DNM3: variants seen among roughly 807,000 people sequenced by gnomAD.
DNM3 encodes the protein dynamin-3.
In DNM3, 47 loss-of-function variants were observed where a neutral mutation model predicts 101.6. The ratio of observed to expected loss-of-function variants is 0.46; its 90% confidence interval spans 0.37 to 0.59. DNM3 has a LOEUF of 0.59. Ranked by LOEUF, DNM3 falls within the 20% of genes least tolerant of loss-of-function variation. DNM3 has a pLI of 0.00. For synonymous variants in DNM3, 385 were observed against 387.9 expected (o/e 0.99, Z 0.09); for missense variants, 849 against 1,085.7 (o/e 0.78, Z 3.06).
chr1:172,276,887 A>G (rs2063311383), intron 15 of DNM3, among the ~76,000 whole-genome samples: 1 of 152,078 alleles, frequency 6.6e-6, no homozygotes, highest in African/African-American at 2.4e-5. Context: ...TATTTGTGAC[A>G]ATAATGAATG....
At chr1:172,331,794 TA>T (rs2066197174) in intron 17 of DNM3, among the ~76,000 whole-genome samples, 2 of 152,194 alleles carry the variant, frequency 1.3e-5, no homozygotes, top group Non-Finnish European at 1.5e-5. Flanking sequence ...GTTACTATTT[TA>T]CTACTGTCAA....
chr1:172,198,774 C>A (rs2060046659), intron 14 of DNM3, among the ~76,000 whole-genome samples: 3 of 147,164 alleles, frequency 2.0e-5, no homozygotes, highest in African/African-American at 7.8e-5. Context: ...TTTAGCATTT[C>A]TAATTGTGTT....
intron 6 of DNM3, among the ~76,000 whole-genome samples, chr1:172,035,579 GA>G (rs1301257023): frequency 6.6e-6 from 1 of 152,168 alleles, no homozygotes; most frequent in African/African-American, 2.4e-5. Flanking sequence ...GCCAGGGGAA[GA>G]AGTGTTTTAG....
chr1:171,928,820 A>G lies in DNM3; in HGVS notation c.235+6999A>G, dbSNP rs149040251. 9.2e-5 allele frequency among the ~76,000 whole-genome samples: 14 copies of G among 152,254 alleles called. No homozygotes were observed. In the East Asian group the frequency reaches 2.7e-3, roughly 29 times the overall value. The stretch of plus-strand genomic sequence containing the variant: ...GAGATATGGGAATGGGCACCCATCT[A>G]ACAGTCTGGCTGCTTTTTCATAGAG... On this transcript the variant is annotated intron_variant, in intron 2 of 20. Transcript: ENST00000627582.
At chr1:171,869,892 T>G (rs2035113560) in intron 1 of DNM3, among the ~76,000 whole-genome samples, 1 of 152,246 alleles carries the variant, frequency 6.6e-6, no homozygotes, top group East Asian at 1.9e-4. Flanking sequence ...ATTTTTAGAT[T>G]AGGGAAGTTC....
At chr1:172,227,852 G>T (rs1477448267) in intron 14 of DNM3, among the ~76,000 whole-genome samples, 3 of 152,014 alleles carry the variant, frequency 2.0e-5, no homozygotes, top group Admixed American at 2.0e-4. Context: ...CCTCACATCT[G>T]GTCATAGTGG....
chr1:172,162,757 A>G (rs932550900), intron 14 of DNM3, among the ~76,000 whole-genome samples: 1 of 152,090 alleles, frequency 6.6e-6, no homozygotes, highest in Non-Finnish European at 1.5e-5. Context: ...CAGATTTCCC[A>G]GAATAATTTA....
chr1:172,248,965 T>C (rs10489292), intron 14 of DNM3, among the ~76,000 whole-genome samples: 25,140 of 152,170 alleles, frequency 0.17, 2,434 homozygotes, highest in East Asian at 0.24. Context: ...GTTGCTTTAA[T>C]AGAAGAAAAG....
intron 10 of DNM3, among the ~76,000 whole-genome samples, chr1:172,053,224 T>A (rs2050330849): frequency 6.6e-6 from 1 of 152,122 alleles, no homozygotes; most frequent in Admixed American, 6.5e-5. Flanking sequence ...TTCTAGATGA[T>A]TTGCACTATC....
chr1:172,325,980 G>A (rs1432676537), intron 17 of DNM3, among the ~76,000 whole-genome samples: 2 of 152,120 alleles, frequency 1.3e-5, no homozygotes, highest in South Asian at 4.1e-4. Context: ...GGGGTATATG[G>A]AACAATCCTG....
At chr1:171,880,445 T>C (rs2036167111) in intron 1 of DNM3, among the ~76,000 whole-genome samples, 1 of 152,210 alleles carries the variant, frequency 6.6e-6, no homozygotes, top group African/African-American at 2.4e-5. Context: ...CCACTGGTGA[T>C]TATGCTAGTG....
chr1:172,387,991 TG>T (rs2069293099), intron 19 of DNM3, among the ~76,000 whole-genome samples: 1 of 152,086 alleles, frequency 6.6e-6, no homozygotes, highest in Non-Finnish European at 1.5e-5. Context: ...CCCAGCACTT[TG>T]GGAGGCCGAG....
intron 13 of DNM3, among the ~76,000 whole-genome samples, chr1:172,095,939 A>G (rs1046455741): frequency 3.3e-5 from 5 of 152,234 alleles, no homozygotes; most frequent in African/African-American, 1.2e-4. Context: ...CCACTCATGT[A>G]TTCAAAACCT....
At chr1:172,115,386 C>T (rs1301120259) in intron 13 of DNM3, among the ~76,000 whole-genome samples, 1 of 152,190 alleles carries the variant, frequency 6.6e-6, no homozygotes, top group Non-Finnish European at 1.5e-5. Context: ...TCCTGCTTCT[C>T]CTCTTTCTCT....
intron 14 of DNM3, among the ~76,000 whole-genome samples, chr1:172,178,944 A>C (rs1035126794): frequency 1.8e-4 from 28 of 151,878 alleles, no homozygotes; most frequent in African/African-American, 6.8e-4. Flanking sequence ...ATAGAGCAAA[A>C]ATGGTGATCC....
rs896919204 is a variant in DNM3 at position 172,020,672 on chromosome 1, C to A, written c.590-11730C>A. Among the ~76,000 whole-genome samples the A allele has an allele frequency of 2.9e-5, 4 of 138,462 alleles. 1 individual carries two copies. In the South Asian group the frequency reaches 9.1e-4, roughly 32 times the overall value. 90.8% of individuals were successfully genotyped at this position (138,462 alleles called of 152,430 possible). A position where few individuals can be genotyped will look rare whatever the true frequency, so the allele number is the denominator to read the frequency against. On this transcript the variant is annotated intron_variant, in intron 4 of 20. Transcript: ENST00000627582. ...CCGGGAGGTGGAGCTTGCAGTGGGC[C>A]GAGATCACGCCACTGCACTCCAGCC...
intron 17 of DNM3, among the ~76,000 whole-genome samples, chr1:172,335,935 A>G (rs780069298): frequency 1.7e-4 from 26 of 152,280 alleles, no homozygotes; most frequent in Non-Finnish European, 3.4e-4. Flanking sequence ...TACCCCCTGA[A>G]TCCAAAATAA....
chr1:172,076,419 T>A (rs1039248494), intron 11 of DNM3, among the ~76,000 whole-genome samples: 15 of 152,358 alleles, frequency 9.8e-5, no homozygotes, highest in Non-Finnish European at 1.8e-4. Context: ...TGCTTCCAGC[T>A]TTTGCCCATT....
intron 1 of DNM3, among the ~76,000 whole-genome samples, chr1:171,875,032 G>T (rs560112479): frequency 3.3e-5 from 5 of 152,184 alleles, no homozygotes; most frequent in Non-Finnish European, 4.4e-5. Flanking sequence ...GTATTCCATG[G>T]TGTGTAGCTA....
Sources: gnomAD v4.1 joint callset for allele counts (sites outside exome capture counted in the v4.1 genomes callset) on GRCh38, gnomAD v4.1.1 for gene constraint, MANE v1.5 for transcripts, NCBI Gene and HGNC (gene_info 2026-07-23, HGNC 2026-07-21) for gene names.